FGD3: variants seen among roughly 807,000 people sequenced by gnomAD.
FGD3 encodes the protein FYVE, RhoGEF and PH domain containing 3, also known as FYVE, RhoGEF and PH domain-containing protein 3.
FGD3 carries 45 observed loss-of-function variants against 71.8 expected under a neutral mutation model. That is an observed-to-expected ratio of 0.63 (90% CI 0.49 to 0.80). The LOEUF (loss-of-function observed/expected upper bound fraction) is 0.80, where lower values mean the gene tolerates loss of function less well. Among genes scored for constraint, FGD3 ranks in the 30% least tolerant of loss-of-function variants. The probability of loss-of-function intolerance (pLI) is 0.00; values close to 1 mark genes in which losing one functional copy is unlikely to be tolerated. For synonymous variants in FGD3, 378 were observed against 392.8 expected (o/e 0.96, Z 0.44); for missense variants, 844 against 951.5 (o/e 0.89, Z 1.49).
Position 93,016,009 on chromosome 9 carries a change from C to G in FGD3, c.1275+180C>G, listed in dbSNP as rs551969562. Among the ~76,000 whole-genome samples the G allele has an allele frequency of 4.4e-4, 67 of 152,354 alleles. No homozygotes were observed. In the South Asian group the frequency reaches 4.6e-3, roughly 10 times the overall value. ...ATTGTCTCAGTCCTGGTGCCCCAGGCTGGAAGGGCAGGATTCCACCCTTCT... is the reference window on the plus strand; with the variant it reads ...ATTGTCTCAGTCCTGGTGCCCCAGGGTGGAAGGGCAGGATTCCACCCTTCT... On this transcript the variant is annotated intron_variant, in intron 10 of 17. Coordinates refer to ENST00000375482, the MANE Select transcript of FGD3 (RefSeq NM_001083536.2).
At chr9:93,020,118 C>T (rs915305731) in intron 12 of FGD3, among the ~76,000 whole-genome samples, 199 bp from the exon 13 acceptor site, 1 of 152,238 alleles carries the variant, frequency 6.6e-6, no homozygotes, top group African/African-American at 2.4e-5. Flanking sequence ...GTTCCCCGCT[C>T]AGGGTGGATC....
intron 1 of FGD3, among the ~76,000 whole-genome samples, chr9:92,949,795 G>A (rs1047868823): frequency 2.0e-5 from 3 of 152,268 alleles, no homozygotes; most frequent in Middle Eastern, 3.4e-3. Flanking sequence ...CTGTTCGAGT[G>A]TGCCAGTGAG....
intron 8 of FGD3, among the ~76,000 whole-genome samples, chr9:93,012,432 A>C (rs1457875505): frequency 2.0e-5 from 3 of 152,082 alleles, no homozygotes; most frequent in Non-Finnish European, 4.4e-5. Context: ...AGTGTCAGCC[A>C]TGTGTTACCA....
chr9:93,006,395 G>A lies in FGD3; in HGVS notation c.837+215G>A, dbSNP rs568120152. On this transcript the variant is annotated intron_variant, in intron 6 of 17. Transcript: ENST00000375482. ...GAGCCTTACAATAACTCCCAGAGAT[G>A]AATCAGCATTCCCATCGGAAAATCG... is the stretch of plus-strand genomic sequence containing the variant. 4.6e-5 allele frequency among the ~76,000 whole-genome samples: 7 copies of A among 152,332 alleles called. No homozygotes were observed. In the South Asian group the frequency reaches 1.5e-3, roughly 32 times the overall value.
At chr9:92,976,151 T>A (rs1859743610) in intron 2 of FGD3, 57 bp from the exon 3 acceptor site, 1 of 1,091,384 alleles carries the variant, frequency 9.2e-7, no homozygotes, top group Admixed American at 2.9e-5. Flanking sequence ...GGGTTGCACC[T>A]GAGGGTGCTG....
chr9:92,993,726 C>T (rs1045903211), intron 3 of FGD3, among the ~76,000 whole-genome samples: 2 of 152,076 alleles, frequency 1.3e-5, no homozygotes, highest in African/African-American at 2.4e-5. Flanking sequence ...TTTGGTTTTC[C>T]GTCCTTGCGA....
intron 5 of FGD3, among the ~76,000 whole-genome samples, chr9:93,005,723 G>A (rs1861024618): frequency 6.6e-6 from 1 of 152,178 alleles, no homozygotes; most frequent in South Asian, 2.1e-4. Flanking sequence ...TGATAACTGT[G>A]GTTCATCATT....
chr9:92,970,810 T>C (rs1480531725), intron 1 of FGD3, among the ~76,000 whole-genome samples: 5 of 152,224 alleles, frequency 3.3e-5, no homozygotes, highest in African/African-American at 1.2e-4. Context: ...TATGCATGTG[T>C]GCATGCACCT....
intron 11 of FGD3, among the ~76,000 whole-genome samples, chr9:93,018,684 T>C (rs1384640917): frequency 6.6e-6 from 1 of 152,160 alleles, no homozygotes; most frequent in Non-Finnish European, 1.5e-5. Flanking sequence ...AAATGTTAAC[T>C]TTCAAGCTTT....
intron 8 of FGD3, among the ~76,000 whole-genome samples, chr9:93,013,047 C>T (rs539994064): frequency 2.0e-4 from 31 of 152,302 alleles, no homozygotes; most frequent in Admixed American, 9.8e-4. Context: ...CAGGTGCACA[C>T]CCAGCTCCCC....
Position 93,013,996 on chromosome 9 carries a change from C to T in FGD3, c.1180C>T (p.Leu394=). ...NGTPQDRHLF[L]FNSMILYCVP... The stretch of plus-strand genomic sequence containing the variant: ...CACCCCCCAGGACCGCCACCTCTTC[C>T]TGGTGAGCCTGGCCCCTGCCAGCCC... The change falls in exon 9 of 18, where the codon CTG becomes TTG. Residue 394 remains leucine, a splice_region_variant and synonymous_variant. Coordinates refer to ENST00000375482, the MANE Select transcript of FGD3 (RefSeq NM_001083536.2). The T allele has an allele frequency of 1.9e-6, 3 of 1,605,806 alleles. No individual in the cohort carries two copies. The highest frequency in any genetic ancestry group is 1.7e-6 in the Non-Finnish European group (2 of 1,176,246).
At chr9:93,033,247 CAG>C in intron 16 of FGD3, 2 of 354,946 alleles carry the variant, frequency 5.6e-6, no homozygotes, top group Non-Finnish European at 1.1e-5. Flanking sequence ...CTCCAGCTGT[CAG>C]AGGGTGAGCA....
chr9:92,948,579 G>A (rs1033243132), intron 1 of FGD3, among the ~76,000 whole-genome samples: 1 of 152,220 alleles, frequency 6.6e-6, no homozygotes, highest in African/African-American at 2.4e-5. Flanking sequence ...AAATCAGTTT[G>A]AAGTGTAAAC....
intron 3 of FGD3, among the ~76,000 whole-genome samples, chr9:92,995,194 C>G (rs1246974187): frequency 6.6e-6 from 1 of 152,104 alleles, no homozygotes; most frequent in Admixed American, 6.5e-5. Flanking sequence ...CTTCACATCC[C>G]TTGTAAGTTG....
intron 1 of FGD3, among the ~76,000 whole-genome samples, chr9:92,964,972 G>A (rs989342514): frequency 6.6e-6 from 1 of 152,228 alleles, no homozygotes; most frequent in Non-Finnish European, 1.5e-5. Context: ...GGCCTGTGTA[G>A]CATGGGGCTG....
Position 93,003,192 on chromosome 9 carries a change from G to A in FGD3, c.543+178G>A, listed in dbSNP as rs1860924580. Among the ~76,000 whole-genome samples the A allele has an allele frequency of 6.6e-6, 1 of 151,908 alleles. No individual in the cohort carries two copies. The highest frequency in any genetic ancestry group is 1.5e-5 in the Non-Finnish European group (1 of 67,994). On this transcript the variant is annotated intron_variant, in intron 4 of 17. Coordinates refer to ENST00000375482, the MANE Select transcript of FGD3 (RefSeq NM_001083536.2). This position sits in a 1 kb window ranked among gnomAD's most constrained non-coding sequence, Gnocchi z 4.1. ...CACCCAAGCTGGAGTGCAGTGGCGC[G>A]ATCTTGGCTCACTGCAACCTCCGCC...
chr9:93,012,839 C>G (rs769683664), intron 8 of FGD3, among the ~76,000 whole-genome samples: 1 of 152,168 alleles, frequency 6.6e-6, no homozygotes, highest in Non-Finnish European at 1.5e-5. Context: ...GCTCACCCAG[C>G]CCCCTGGGAC....
intron 3 of FGD3, among the ~76,000 whole-genome samples, chr9:92,998,315 TC>T (rs1366246861): frequency 6.6e-6 from 1 of 152,216 alleles, no homozygotes; most frequent in Admixed American, 6.5e-5. Flanking sequence ...GGTTTTCAGC[TC>T]CATCAGGTCA....
At chr9:92,999,005 G>A (rs546241015) in intron 3 of FGD3, among the ~76,000 whole-genome samples, 2 of 152,322 alleles carry the variant, frequency 1.3e-5, no homozygotes, top group East Asian at 3.9e-4. Context: ...AAAGCTGTCA[G>A]ACAGGGACGT....
Sources: gnomAD v4.1 joint callset for allele counts (sites outside exome capture counted in the v4.1 genomes callset) on GRCh38, gnomAD v4.1.1 for gene constraint, Gnocchi (gnomAD v3.1) non-coding constraint, MANE v1.5 for transcripts, NCBI Gene and HGNC (gene_info 2026-07-23, HGNC 2026-07-21) for gene names.